Variants in LRBA observed in about 807,000 individuals in gnomAD.
LRBA encodes the protein lipopolysaccharide-responsive and beige-like anchor protein.
In LRBA, 176 loss-of-function variants were observed where a neutral mutation model predicts 330.0. The ratio of observed to expected loss-of-function variants is 0.53; its 90% CI spans 0.47 to 0.60. The LOEUF is 0.60. Among genes scored for constraint, LRBA ranks in the 20% least tolerant of loss-of-function variants. The pLI is 0.00. For missense variants in LRBA, 3,259 were observed against 3,444.8 expected (o/e 0.95, Z 1.35); for synonymous variants, 1,230 against 1,193.0 (o/e 1.03, Z -0.64).
intron 44 of LRBA, among the ~76,000 whole-genome samples, chr4:150,449,622 C>A (rs1220062152): frequency 6.6e-6 from 1 of 151,118 alleles, no homozygotes; most frequent in Non-Finnish European, 1.5e-5. Flanking sequence ...TGAGAAAAAA[C>A]ATCCACCACC....
At chr4:150,998,481 G>A (rs1742954189) in intron 2 of LRBA, among the ~76,000 whole-genome samples, 1 of 151,888 alleles carries the variant, frequency 6.6e-6, no homozygotes, top group Non-Finnish European at 1.5e-5. Context: ...ACCATCTCCA[G>A]TGGGTAGGAC....
intron 40 of LRBA, among the ~76,000 whole-genome samples, chr4:150,529,907 TTCTA>T (rs199655179): frequency 2.3e-4 from 35 of 152,040 alleles, no homozygotes; most frequent in South Asian, 8.3e-4. Context: ...GTTGATCTTC[TTCTA>T]TCTATTTCGC....
At chr4:150,626,713 T>C (rs549289710) in intron 37 of LRBA, among the ~76,000 whole-genome samples, 2 of 152,256 alleles carry the variant, frequency 1.3e-5, no homozygotes, top group South Asian at 4.1e-4. Context: ...TTTTAACAAA[T>C]TAAGATTTCA....
intron 53 of LRBA, among the ~76,000 whole-genome samples, chr4:150,302,222 T>C (rs1729767383): frequency 6.6e-6 from 1 of 152,096 alleles, no homozygotes; most frequent in African/African-American, 2.4e-5. Context: ...AATGAAAGCA[T>C]AATTTTATCA....
intron 40 of LRBA, among the ~76,000 whole-genome samples, chr4:150,504,562 C>G (rs4419457): frequency 0.22 from 32,732 of 152,104 alleles, 4,378 homozygotes; most frequent in Non-Finnish European, 0.3. Context: ...TTGTCACCAC[C>G]AGGCCTGCCC....
chr4:150,325,784 T>C lies in LRBA; in HGVS notation c.7452+25A>G, dbSNP rs533937726. Reference sequence around the variant, plus strand: ...GCGGATCTGAAGGAGAGGCAAGAAATGAGGAGAGTAAAAATAGCACTTACC... The same window carrying C: ...GCGGATCTGAAGGAGAGGCAAGAAACGAGGAGAGTAAAAATAGCACTTACC... On this transcript the variant is annotated intron_variant, in intron 49 of 56. Coordinates refer to ENST00000651943, the MANE Select transcript of LRBA (RefSeq NM_001364905.1). 8 of 1,472,586 alleles carry C rather than the reference T, an allele frequency of 5.4e-6. No homozygotes were observed. The East Asian group carries it at 9.1e-5, about 17-fold the overall frequency. The allele number at this position is 1,472,586 out of a possible 1,614,324, so 91.2% of individuals were successfully genotyped here.
Position 150,338,138 on chromosome 4 carries a change from A to G in LRBA, c.7362+11854T>C, listed in dbSNP as rs548915052. Among the ~76,000 whole-genome samples, 21 of 152,274 alleles carry G rather than the reference A, an allele frequency of 1.4e-4. No individual in the cohort carries two copies. The South Asian group carries it at 3.9e-3, about 29-fold the overall frequency. Reference sequence around the variant, plus strand: ...GCATTTGGAAGGATAAATTTGGAAGAGGGAAAACCAACCACTGACACTAAA... The same window carrying G: ...GCATTTGGAAGGATAAATTTGGAAGGGGGAAAACCAACCACTGACACTAAA... On this transcript the variant is annotated intron_variant, in intron 48 of 56. Coordinates refer to ENST00000651943, the MANE Select transcript of LRBA (RefSeq NM_001364905.1).
At chr4:150,721,653 C>T (rs1728950833) in intron 36 of LRBA, among the ~76,000 whole-genome samples, 1 of 152,032 alleles carries the variant, frequency 6.6e-6, no homozygotes, top group Non-Finnish European at 1.5e-5. Context: ...ATTGCTCTGT[C>T]CCCCAGGCTG....
intron 5 of LRBA, among the ~76,000 whole-genome samples, chr4:150,919,683 C>A (rs1299730018): frequency 1.1e-4 from 16 of 152,134 alleles, no homozygotes; most frequent in African/African-American, 3.6e-4. Flanking sequence ...TACACATGTT[C>A]TCTCTCACCA....
chr4:150,797,989 A>G (rs1260229320), intron 34 of LRBA, 92 bp downstream of exon 34: 1 of 808,196 alleles, frequency 1.2e-6, no homozygotes, highest in African/African-American at 1.7e-5. Flanking sequence ...TTATTATACC[A>G]AAAATTTCAG....
At chr4:150,311,909 T>A (rs1288464690) in intron 51 of LRBA, among the ~76,000 whole-genome samples, 1 of 151,878 alleles carries the variant, frequency 6.6e-6, no homozygotes, top group South Asian at 2.1e-4. Context: ...TATGATACAA[T>A]TTTTTTTTAA....
intron 16 of LRBA, 84 bp from the exon 17 acceptor site, chr4:150,893,233 C>T: frequency 1.4e-6 from 1 of 699,114 alleles, no homozygotes; most frequent in Non-Finnish European, 2.5e-6. Context: ...ATAGAAATTT[C>T]AACATTAGAA....
chr4:150,894,021 T>C (rs906281877), intron 16 of LRBA, among the ~76,000 whole-genome samples: 1 of 152,232 alleles, frequency 6.6e-6, no homozygotes, highest in African/African-American at 2.4e-5. Context: ...ACCTTTTATG[T>C]TATATTGAAT....
At chr4:150,269,164 G>C (rs909201702) in intron 56 of LRBA, among the ~76,000 whole-genome samples, 3 of 152,152 alleles carry the variant, frequency 2.0e-5, no homozygotes, top group Non-Finnish European at 4.4e-5. Context: ...CTGGGTGACA[G>C]AGCGAAACAG....
At chr4:150,573,656 G>A (rs1770163783) in intron 40 of LRBA, among the ~76,000 whole-genome samples, 1 of 152,130 alleles carries the variant, frequency 6.6e-6, no homozygotes, top group South Asian at 2.1e-4. Context: ...TATCACGTAA[G>A]TGAAAGGAGG....
At chr4:150,610,898 T>C (rs894437205) in intron 37 of LRBA, among the ~76,000 whole-genome samples, 6 of 152,174 alleles carry the variant, frequency 3.9e-5, no homozygotes, top group Non-Finnish European at 7.4e-5. Flanking sequence ...AATTTGATTT[T>C]CCAATGAAAC....
chr4:150,601,980 C>T (rs1220468780), intron 37 of LRBA, among the ~76,000 whole-genome samples: 4 of 151,580 alleles, frequency 2.6e-5, no homozygotes, highest in South Asian at 2.1e-4. Context: ...TGTGAGCCAC[C>T]GCACCCGGCC....
At chr4:150,373,162 TGTGTGTGTGTGAGAGA>T (rs1246996138) in intron 47 of LRBA, among the ~76,000 whole-genome samples, 29 of 145,084 alleles carry the variant, frequency 2.0e-4, no homozygotes, top group Admixed American at 9.5e-4. Context: ...TGTGTGTGTG[TGTGTGTGTGTGAGAGA>T]GAGAGAGAGA....
At chr4:150,568,486 C>A (rs1230936144) in intron 40 of LRBA, among the ~76,000 whole-genome samples, 1 of 152,082 alleles carries the variant, frequency 6.6e-6, no homozygotes, top group Admixed American at 6.6e-5. Flanking sequence ...TATTGAATCT[C>A]CACTGTCTAG....
Sources: gnomAD v4.1 joint callset for allele counts (sites outside exome capture counted in the v4.1 genomes callset) on GRCh38, gnomAD v4.1.1 for gene constraint, MANE v1.5 for transcripts, NCBI Gene and HGNC (gene_info 2026-07-23, HGNC 2026-07-21) for gene names.